Variants in DYNC2H1 observed in about 807,000 individuals in gnomAD.
DYNC2H1 encodes cytoplasmic dynein 2 heavy chain 1.
A neutral mutation model predicts 570.0 loss-of-function variants in DYNC2H1; 410 were observed. That is an observed-to-expected ratio of 0.72 (90% CI 0.66 to 0.78). The LOEUF is 0.78. DYNC2H1 is among the 30% of genes least tolerant of loss of function. DYNC2H1 has a pLI of 0.00. For synonymous variants in DYNC2H1, 1,688 were observed against 1,677.6 expected, an observed-to-expected ratio of 1.01 and a Z score of -0.15; for missense variants, 4,865 against 5,046.4, an observed-to-expected ratio of 0.96 and a Z score of 1.09.
intron 82 of DYNC2H1, among the ~76,000 whole-genome samples, chr11:103,343,688 G>A (rs575576885): frequency 5.3e-5 from 8 of 152,186 alleles, no homozygotes; most frequent in African/African-American, 1.9e-4. Flanking sequence ...CTGCATTCCT[G>A]TCTGGGCAAC....
rs543296681 is a variant in DYNC2H1, at chr11:103,166,041, G to A, written c.4755G>A (p.Gly1585=). 6 of 1,520,970 alleles carry A rather than the reference G, an allele frequency of 3.9e-6. No individual in the cohort carries two copies. The South Asian group carries it at 7.9e-5, about 20-fold the overall frequency. 94.2% of individuals were successfully genotyped at this position (1,520,970 alleles called of 1,614,324 possible). A position where few individuals can be genotyped will look rare whatever the true frequency, so the allele number is the denominator to read the frequency against. ...TTGATACAAGTTCTGAGGATCCAGGGAATACTGGTATGGAAAAGACATTCC... is the reference window on the plus strand; with the variant it reads ...TTGATACAAGTTCTGAGGATCCAGGAAATACTGGTATGGAAAAGACATTCC... ...TNIDTSSEDP[G]NTESGILELK... is the part of the protein sequence containing the mutation. Residue 1585 remains glycine, a synonymous_variant, in exon 31 of 89, where the codon GGG becomes GGA. Coordinates refer to ENST00000375735, the MANE Select transcript of DYNC2H1 (RefSeq NM_001377.3).
intron 30 of DYNC2H1, 84 bp from the exon 31 acceptor site, chr11:103,165,814 G>A: frequency 2.6e-6 from 3 of 1,172,292 alleles, no homozygotes; most frequent in Non-Finnish European, 3.5e-6. Context: ...TTGGCTATTT[G>A]AAAAAAGGTG....
chr11:103,469,110 G>A (rs909285053), intron 88 of DYNC2H1, among the ~76,000 whole-genome samples: 8 of 152,168 alleles, frequency 5.3e-5, no homozygotes, highest in Admixed American at 2.6e-4. Flanking sequence ...ATGAGGAAAC[G>A]TGCTCACGCA....
intron 83 of DYNC2H1, among the ~76,000 whole-genome samples, chr11:103,391,889 A>T (rs1467199410): frequency 7.0e-6 from 1 of 143,524 alleles, no homozygotes; most frequent in Non-Finnish European, 1.6e-5. Context: ...CAGCCGTGTG[A>T]GGTGTCATTG....
intron 70 of DYNC2H1, among the ~76,000 whole-genome samples, chr11:103,263,981 G>A (rs1471685327): frequency 2.6e-5 from 4 of 151,940 alleles, no homozygotes; most frequent in Non-Finnish European, 5.9e-5. Context: ...GAAGAAAAGA[G>A]AGAAGAATCA....
Position 103,153,316 on chromosome 11 carries a change from A to T in DYNC2H1, c.3110A>T (p.Lys1037Ile), listed in dbSNP as rs768433759. ...LMIKDQIEVM[K>I]GNVKSRLQIY... is the part of the protein sequence containing the mutation. ...ATTGGCTTATAGATTGAAGTGATGAAAGGAAATGTGAAATCACGTCTTCAG... is the reference window on the plus strand; with the variant it reads ...ATTGGCTTATAGATTGAAGTGATGATAGGAAATGTGAAATCACGTCTTCAG... Residue 1037 changes from lysine (K) to isoleucine (I), a missense_variant, in exon 22 of 89, where the codon AAA becomes ATA. This residue lies in a region of DYNC2H1 where 1,936 missense variants were observed against 1,962.1 expected (regional missense o/e 0.99). Coordinates refer to ENST00000375735, the MANE Select transcript of DYNC2H1 (RefSeq NM_001377.3). 2.5e-5 allele frequency: 39 copies of T among 1,536,560 alleles called. No individual in the cohort carries two copies. The highest frequency in any genetic ancestry group is 4.2e-5 in the African/African-American group (3 of 72,036).
At position 103,189,731 on chromosome 11, in the gene DYNC2H1, A is replaced by G. The variant is rs1458660040; in HGVS notation, c.7352A>G (p.His2451Arg). The change falls in exon 45 of 89, where the codon CAT becomes CGT. Residue 2451 changes from histidine to arginine, a missense_variant. Transcript: ENST00000375735. This position sits in a 1 kb window ranked among gnomAD's most constrained non-coding sequence, Gnocchi z 4.3. ...GGAGCATATTTGGAACCAGTTCTAC[A>G]TAAAAATCTGAAGAATCATTCTATT... ...IYGAYLEPVL[H>R]KNLKNHSIWG... is the part of the protein sequence containing the mutation. The G allele has an allele frequency of 2.5e-6, 4 of 1,613,114 alleles. No homozygotes were observed. Among genetic ancestry groups the G allele is most frequent in the East Asian group, 2.2e-5 (1 of 44,822 alleles).
chr11:103,173,262 A>G lies in DYNC2H1; in HGVS notation c.5515A>G (p.Lys1839Glu), dbSNP rs1861647823. The G allele has an allele frequency of 1.3e-6, 2 of 1,592,582 alleles. No homozygotes were observed. Among genetic ancestry groups the G allele is most frequent in the Non-Finnish European group, 1.7e-6 (2 of 1,170,240 alleles). The change falls in exon 35 of 89, where the codon AAA becomes GAA. Residue 1839 changes from lysine to glutamate, a missense_variant. Transcript: ENST00000375735. ...CTATTCGGAAGGCTTTAAAGACGCT[A>G]AAGTATTGAGCAGAAAATTGGTAGC... ...ILYSEGFKDA[K>E]VLSRKLVAIF...
At chr11:103,160,370 C>A (rs1461998171) in intron 28 of DYNC2H1, among the ~76,000 whole-genome samples, 1 of 152,012 alleles carries the variant, frequency 6.6e-6, no homozygotes, top group Non-Finnish European at 1.5e-5. Context: ...ACGAATAAAG[C>A]TGTTGTAAAC....
intron 63 of DYNC2H1, among the ~76,000 whole-genome samples, chr11:103,242,205 G>A (rs1864448608): frequency 6.6e-6 from 1 of 151,784 alleles, no homozygotes; most frequent in Non-Finnish European, 1.5e-5. Flanking sequence ...ATACATACAT[G>A]CATATATATA....
intron 70 of DYNC2H1, among the ~76,000 whole-genome samples, chr11:103,279,210 T>C (rs1303446801): frequency 6.6e-6 from 1 of 152,198 alleles, no homozygotes; most frequent in Non-Finnish European, 1.5e-5. Flanking sequence ...AGATGTTTTA[T>C]TATATTTTAA....
intron 88 of DYNC2H1, among the ~76,000 whole-genome samples, chr11:103,477,855 AAG>A: frequency 6.7e-6 from 1 of 150,232 alleles, no homozygotes; most frequent in Non-Finnish European, 1.5e-5. Flanking sequence ...AAAAAAAAAA[AAG>A]ATCAATTATT....
intron 84 of DYNC2H1, among the ~76,000 whole-genome samples, chr11:103,435,006 G>A (rs1488997241): frequency 6.6e-6 from 1 of 152,108 alleles, no homozygotes; most frequent in Non-Finnish European, 1.5e-5. Flanking sequence ...AAGTGTCAAA[G>A]GATTTGCAGT....
Position 103,173,235 on chromosome 11 carries a change from C to G in DYNC2H1, c.5488C>G (p.Leu1830Val), listed in dbSNP as rs762790898. The change falls in exon 35 of 89, where the codon CTC (leucine) becomes GTC (valine). Residue 1830 changes from leucine (L) to valine (V), a missense_variant. By Grantham distance (32) the Leu-to-Val change is conservative. Coordinates refer to ENST00000375735, the MANE Select transcript of DYNC2H1 (RefSeq NM_001377.3). ...PDNELIAEVI[L>V]YSEGFKDAKV... ...CAATGAGCTTATTGCAGAAGTTATT[C>G]TCTATTCGGAAGGCTTTAAAGACGC... 1 of 1,601,024 alleles carries G rather than the reference C, an allele frequency of 6.2e-7. No homozygotes were observed. Among genetic ancestry groups the G allele is most frequent in the Non-Finnish European group, 8.5e-7 (1 of 1,173,738 alleles).
At chr11:103,417,888 A>G (rs1477930723) in intron 84 of DYNC2H1, among the ~76,000 whole-genome samples, 1 of 151,868 alleles carries the variant, frequency 6.6e-6, no homozygotes, top group Non-Finnish European at 1.5e-5. Context: ...AAAAAAAAAA[A>G]AATTGATCAA....
At chr11:103,408,359 G>A (rs1289089379) in intron 84 of DYNC2H1, 4 of 152,090 alleles carry the variant, frequency 2.6e-5, no homozygotes, top group Middle Eastern at 3.4e-3. Context: ...TAAATAGGAG[G>A]TGGTTAATTA....
At chr11:103,178,046 G>C (rs899518809) in intron 38 of DYNC2H1, among the ~76,000 whole-genome samples, 1 of 151,754 alleles carries the variant, frequency 6.6e-6, no homozygotes, top group Non-Finnish European at 1.5e-5. Context: ...GAGTAAGTTG[G>C]GTGAATTGTA....
At chr11:103,426,277 C>T (rs1000147505) in intron 84 of DYNC2H1, among the ~76,000 whole-genome samples, 1 of 152,144 alleles carries the variant, frequency 6.6e-6, no homozygotes, top group Non-Finnish European at 1.5e-5. Context: ...AAACTCTGTT[C>T]GAGGCTCTCA....
rs1864434830 is a variant in DYNC2H1 at position 103,241,883 on chromosome 11, C to T, written c.9820-1810C>T. Among the ~76,000 whole-genome samples the T allele has an allele frequency of 6.6e-6, 1 of 151,512 alleles. No individual in the cohort carries two copies. The highest frequency in any genetic ancestry group is 1.5e-5 in the Non-Finnish European group (1 of 67,936). On this transcript the variant is annotated intron_variant, in intron 63 of 88. Coordinates refer to ENST00000375735, the MANE Select transcript of DYNC2H1 (RefSeq NM_001377.3). The surrounding 1 kb of genome is among the most constrained non-coding windows in gnomAD (Gnocchi z 5.1). ...CCATTTTAAAATAATAATAATAAAG[C>T]TGTTTTAAAGTCGTTCTTCTCTTTA...
Sources: allele counts gnomAD v4.1 joint callset (sites outside exome capture counted in the v4.1 genomes callset), GRCh38; gene constraint gnomAD v4.1.1; regional missense constraint gnomAD v4.1.1; non-coding constraint Gnocchi (gnomAD v3.1); transcripts MANE v1.5; gene names NCBI Gene and HGNC (gene_info 2026-07-23, HGNC 2026-07-21).